The following CSMD1 variants were observed in gnomAD, a reference collection of about 807,000 sequenced individuals.
CSMD1 encodes CUB and Sushi multiple domains 1, also known as CUB and sushi domain-containing protein 1.
In CSMD1, 213 loss-of-function variants were observed where a neutral mutation model predicts 417.5. The ratio of observed to expected loss-of-function variants is 0.51; its 90% CI spans 0.46 to 0.57. CSMD1 has a LOEUF of 0.57. Ranked by LOEUF, CSMD1 falls within the 20% of genes least tolerant of loss-of-function variation. CSMD1 has a pLI of 0.00. For missense variants in CSMD1, 6,923 were observed against 4,529.7 expected (o/e 1.53, Z -15.17); for synonymous variants, 2,862 against 1,736.8 (o/e 1.65, Z -16.11).
chr8:3,206,282 T>C (rs1738799404), intron 30 of CSMD1, among the ~76,000 whole-genome samples: 1 of 132,172 alleles, frequency 7.6e-6, no homozygotes. Flanking sequence ...TGTCTCTGTG[T>C]GTATGTGTGT....
chr8:3,298,813 G>C (rs999408605), intron 25 of CSMD1, among the ~76,000 whole-genome samples: 1 of 152,258 alleles, frequency 6.6e-6, no homozygotes, highest in Non-Finnish European at 1.5e-5. Context: ...AATAGTGATT[G>C]TCCTGGAGAA....
chr8:4,404,637 A>G (rs986123503), intron 3 of CSMD1, among the ~76,000 whole-genome samples: 3 of 152,152 alleles, frequency 2.0e-5, no homozygotes, highest in Non-Finnish European at 4.4e-5. Context: ...AGTAATGTGA[A>G]TTTATATTAA....
At chr8:4,358,487 G>A (rs370131909) in intron 3 of CSMD1, among the ~76,000 whole-genome samples, 4 of 152,356 alleles carry the variant, frequency 2.6e-5, no homozygotes, top group African/African-American at 9.6e-5. Context: ...TCCACAAGGT[G>A]TATGTCTCCT....
At chr8:4,205,450 C>T (rs1799921171) in intron 3 of CSMD1, among the ~76,000 whole-genome samples, 1 of 152,142 alleles carries the variant, frequency 6.6e-6, no homozygotes, top group Non-Finnish European at 1.5e-5. Context: ...ATGATGCGCC[C>T]ATTTATATAC....
chr8:4,753,491 C>T (rs1406342627), intron 1 of CSMD1, among the ~76,000 whole-genome samples: 1 of 151,324 alleles, frequency 6.6e-6, no homozygotes, highest in African/African-American at 2.4e-5. Context: ...CCCCTCCATT[C>T]TTCTTTTTCA....
chr8:3,511,112 C>A (rs917852404), intron 10 of CSMD1, among the ~76,000 whole-genome samples: 1 of 151,750 alleles, frequency 6.6e-6, no homozygotes. Flanking sequence ...CCATCACTGT[C>A]AGCAAACTAA....
intron 3 of CSMD1, among the ~76,000 whole-genome samples, chr8:4,062,386 G>A (rs1475280516): frequency 2.6e-5 from 4 of 152,052 alleles, no homozygotes; most frequent in Non-Finnish European, 5.9e-5. Context: ...CAAGCAATAA[G>A]AGGGCAATGA....
intron 49 of CSMD1, among the ~76,000 whole-genome samples, chr8:3,084,525 A>AAC (rs1220773844): frequency 4.2e-3 from 128 of 30,154 alleles, no homozygotes; most frequent in African/African-American, 0.017. Context: ...ACTCCGTCTC[A>AAC]AAAAAAAAAA....
At chr8:3,590,037 T>A (rs186066267) in intron 8 of CSMD1, among the ~76,000 whole-genome samples, 1 of 152,048 alleles carries the variant, frequency 6.6e-6, no homozygotes, top group Non-Finnish European at 1.5e-5. Context: ...TTGGATATAT[T>A]TGAAAGAATG....
At chr8:3,677,447 C>T (rs1252232252) in intron 7 of CSMD1, among the ~76,000 whole-genome samples, 3 of 152,180 alleles carry the variant, frequency 2.0e-5, no homozygotes, top group Non-Finnish European at 4.4e-5. Flanking sequence ...TACAGGTTGT[C>T]AGGAAAGTCC....
At chr8:4,135,745 A>T (rs1284638546) in intron 3 of CSMD1, among the ~76,000 whole-genome samples, 2 of 152,212 alleles carry the variant, frequency 1.3e-5, no homozygotes, top group Non-Finnish European at 2.9e-5. Flanking sequence ...CATTTAAAGA[A>T]TTGCTGTGTA....
intron 1 of CSMD1, among the ~76,000 whole-genome samples, chr8:4,786,506 A>T (rs1293674307): frequency 6.6e-6 from 1 of 152,160 alleles, no homozygotes; most frequent in Admixed American, 6.5e-5. Context: ...TGGCAATGAG[A>T]TGTAAATTGG....
intron 3 of CSMD1, among the ~76,000 whole-genome samples, chr8:4,056,324 C>G (rs1203350299): frequency 6.6e-6 from 1 of 151,504 alleles, no homozygotes; most frequent in African/African-American, 2.4e-5. Context: ...CTTAGGTGAT[C>G]CACCCGCGTC....
intron 2 of CSMD1, among the ~76,000 whole-genome samples, chr8:4,529,874 T>C (rs971204122): frequency 1.2e-5 from 1 of 85,252 alleles, no homozygotes; most frequent in Non-Finnish European, 2.5e-5. Context: ...GCTGCCATTG[T>C]TTTTTTTTTT....
intron 1 of CSMD1, among the ~76,000 whole-genome samples, chr8:4,827,624 T>C (rs1172021541): frequency 1.3e-5 from 2 of 152,214 alleles, no homozygotes; most frequent in African/African-American, 2.4e-5. Flanking sequence ...AAAGATTGAA[T>C]AGGTAAGTCT....
chr8:3,679,013 C>G lies in CSMD1; in HGVS notation c.1009+29401G>C, dbSNP rs575618227. Among the ~76,000 whole-genome samples, 5 of 152,112 alleles carry G rather than the reference C, an allele frequency of 3.3e-5. 1 individual carries two copies. Among genetic ancestry groups the G allele is most frequent in the Non-Finnish European group, 7.3e-5 (5 of 68,028 alleles). ...AGATTTTGCCACCACCAGACCTCCC[C>G]TAAAAGACCTCCTGAAGAAGCACTA... is the stretch of plus-strand genomic sequence containing the variant. On this transcript the variant is annotated intron_variant, in intron 7 of 69. Transcript: ENST00000635120.
At chr8:3,720,289 C>T (rs112440966) in intron 6 of CSMD1, among the ~76,000 whole-genome samples, 3 of 152,022 alleles carry the variant, frequency 2.0e-5, no homozygotes, top group South Asian at 4.1e-4. Context: ...ATCAATAGAG[C>T]TTACAGAAGA....
chr8:4,884,360 A>G (rs1365672681), intron 1 of CSMD1, among the ~76,000 whole-genome samples: 2 of 152,054 alleles, frequency 1.3e-5, no homozygotes, highest in Non-Finnish European at 2.9e-5. Context: ...CCTTTGAGGT[A>G]CAACGTTTAG....
At chr8:4,446,761 G>GTGTGTGTGTGTGTGTC (rs1563183327) in intron 2 of CSMD1, among the ~76,000 whole-genome samples, 56 of 69,034 alleles carry the variant, frequency 8.1e-4, no homozygotes, top group African/African-American at 4.1e-3. Context: ...GTGTCTGTGT[G>GTGTGTGTGTGTGTGTC]TGTGTGTGTG....
Sources: allele counts gnomAD v4.1 joint callset (sites outside exome capture counted in the v4.1 genomes callset), GRCh38; gene constraint gnomAD v4.1.1; transcripts MANE v1.5; gene names NCBI Gene and HGNC (gene_info 2026-07-23, HGNC 2026-07-21).